ELMO1: variants seen among roughly 807,000 people sequenced by gnomAD.
ELMO1 encodes the protein engulfment and cell motility 1.
A neutral mutation model predicts 98.9 loss-of-function variants in ELMO1; 26 were observed. That is an observed-to-expected ratio of 0.26 (90% CI 0.19 to 0.36). The LOEUF (loss-of-function observed/expected upper bound fraction) is 0.36, where lower values mean the gene tolerates loss of function less well. ELMO1 is among the 10% of genes least tolerant of loss of function. ELMO1 has a pLI of 1.00. For synonymous variants in ELMO1, 346 were observed against 346.0 expected, an observed-to-expected ratio of 1.00 and a Z score of 0.00; for missense variants, 627 against 935.2, an observed-to-expected ratio of 0.67 and a Z score of 4.30.
chr7:36,926,486 G>A (rs1262534579), intron 16 of ELMO1, among the ~76,000 whole-genome samples: 1 of 152,066 alleles, frequency 6.6e-6, no homozygotes, highest in Non-Finnish European at 1.5e-5. Context: ...AGAGTCCCAT[G>A]GGAGAAGTGA....
chr7:37,300,548 T>C (rs1450303342), intron 4 of ELMO1, among the ~76,000 whole-genome samples: 1 of 99,000 alleles, frequency 1.0e-5, no homozygotes, highest in Non-Finnish European at 2.2e-5. Context: ...TGTCTTTGGC[T>C]CTGTTTATAT....
chr7:37,141,144 A>G (rs1313886644), intron 13 of ELMO1, among the ~76,000 whole-genome samples: 1 of 152,254 alleles, frequency 6.6e-6, no homozygotes, highest in Non-Finnish European at 1.5e-5. Flanking sequence ...ATGCCCATCA[A>G]TCAATGAGTG....
At chr7:36,915,010 G>A (rs537974850) in intron 16 of ELMO1, among the ~76,000 whole-genome samples, 1 of 152,292 alleles carries the variant, frequency 6.6e-6, no homozygotes, top group East Asian at 1.9e-4. Flanking sequence ...CTGGAGTGCA[G>A]TGGTACGATC....
At chr7:36,856,810 C>T (rs1429834458) in intron 21 of ELMO1, among the ~76,000 whole-genome samples, 1 of 152,188 alleles carries the variant, frequency 6.6e-6, no homozygotes, top group African/African-American at 2.4e-5. Flanking sequence ...ATATAGGATT[C>T]TATAACAGCA....
At chr7:37,293,078 G>C (rs1443386648) in intron 4 of ELMO1, among the ~76,000 whole-genome samples, 441 of 15,530 alleles carry the variant, frequency 0.028, 130 homozygotes, top group Non-Finnish European at 0.076. Flanking sequence ...CAGCCGCCCC[G>C]TCCGGGAGGG....
rs977028717 is a variant in ELMO1 at position 37,329,645 on chromosome 7, G to A, written c.78+12968C>T. Among the ~76,000 whole-genome samples, 3 of 152,096 alleles carry A rather than the reference G, an allele frequency of 2.0e-5. No individual in the cohort carries two copies. The East Asian group carries it at 5.8e-4, about 29-fold the overall frequency. On this transcript the variant is annotated intron_variant, in intron 2 of 21. Coordinates refer to ENST00000310758, the MANE Select transcript of ELMO1 (RefSeq NM_014800.11). Reference sequence around the variant, plus strand: ...AACAATTGCCTGTACCCCTCTGTAAGGTGTCCATGAGGAATGCAAGTCCAC... The same window carrying A: ...AACAATTGCCTGTACCCCTCTGTAAAGTGTCCATGAGGAATGCAAGTCCAC...
At chr7:37,412,744 G>C (rs1186999731) in intron 1 of ELMO1, among the ~76,000 whole-genome samples, 1 of 152,134 alleles carries the variant, frequency 6.6e-6, no homozygotes, top group Non-Finnish European at 1.5e-5. Context: ...TCAAAGGCTA[G>C]GTCAGAGAAA....
chr7:36,936,204 A>C (rs1786514906), intron 16 of ELMO1, among the ~76,000 whole-genome samples: 1 of 152,084 alleles, frequency 6.6e-6, no homozygotes, highest in Non-Finnish European at 1.5e-5. Flanking sequence ...GTGTTTCTGT[A>C]ATTATTTTCC....
rs1337001486 is a variant in ELMO1, at chr7:36,984,491, T to C, written c.1437+28808A>G. ...CCCTCACCCTGCCTTGAGTCTTCTA[T>C]AGGCGAAAGCTTTCTAGCTCTTCTG... On this transcript the variant is annotated intron_variant, in intron 16 of 21. Transcript: ENST00000310758. 2.6e-5 allele frequency among the ~76,000 whole-genome samples: 4 copies of C among 152,346 alleles called. No individual in the cohort carries two copies. In the South Asian group the frequency reaches 6.2e-4, roughly 24 times the overall value.
intron 16 of ELMO1, among the ~76,000 whole-genome samples, chr7:36,909,408 T>C (rs541561594): frequency 2.0e-5 from 3 of 152,328 alleles, no homozygotes; most frequent in Admixed American, 6.5e-5. Context: ...CAAAGATGGT[T>C]TCTGCTTTGC....
intron 16 of ELMO1, chr7:36,919,270 A>G (rs1354824905): frequency 6.8e-6 from 3 of 443,802 alleles, no homozygotes; most frequent in Admixed American, 2.2e-5. Context: ...GTTCATGTCT[A>G]TTACATTTCC....
intron 16 of ELMO1, among the ~76,000 whole-genome samples, chr7:36,972,565 T>A (rs971523610): frequency 3.3e-5 from 5 of 152,196 alleles, no homozygotes; most frequent in East Asian, 1.9e-4. Context: ...TGTAGATGAC[T>A]GTCTCCTCCC....
At chr7:36,905,537 C>T (rs1783901914) in intron 16 of ELMO1, among the ~76,000 whole-genome samples, 1 of 152,196 alleles carries the variant, frequency 6.6e-6, no homozygotes, top group African/African-American at 2.4e-5. Flanking sequence ...TTAGCAAATC[C>T]TTATCGTCTT....
rs113780773 is a variant in ELMO1, at chr7:37,033,619, T to G, written c.1301-20184A>C. Among the ~76,000 whole-genome samples the G allele has an allele frequency of 1.9e-3, 283 of 152,288 alleles. 1 individual carries two copies. The highest frequency in any genetic ancestry group is 5.2e-3 in the African/African-American group (217 of 41,564). On this transcript the variant is annotated intron_variant, in intron 15 of 21. Transcript: ENST00000310758. ...TACAAGGGTCCCGGTACACTGAATA[T>G]CTGATGAAATGAGGCAAATGCAGTG...
chr7:37,012,638 C>T (rs2129172325), intron 16 of ELMO1, among the ~76,000 whole-genome samples: 1 of 152,354 alleles, frequency 6.6e-6, no homozygotes, highest in East Asian at 1.9e-4. Context: ...CTTCCCTCTG[C>T]TGGTTATTCA....
chr7:37,225,642 A>G (rs1275813973), intron 8 of ELMO1, among the ~76,000 whole-genome samples: 1 of 152,236 alleles, frequency 6.6e-6, no homozygotes, highest in African/African-American at 2.4e-5. Context: ...CAAATTTAGC[A>G]AACAGGAAAT....
At chr7:37,122,315 T>C (rs918425611) in intron 14 of ELMO1, among the ~76,000 whole-genome samples, 5 of 152,172 alleles carry the variant, frequency 3.3e-5, no homozygotes, top group African/African-American at 1.2e-4. Context: ...ATGGGCTAAA[T>C]ACTCCGATTA....
At chr7:37,186,958 C>T (rs541544558) in intron 13 of ELMO1, among the ~76,000 whole-genome samples, 59 of 152,132 alleles carry the variant, frequency 3.9e-4, no homozygotes, top group Non-Finnish European at 6.6e-4. Context: ...CTTTTAAGTA[C>T]AGAACAAAGA....
Position 36,868,348 on chromosome 7 carries a change from C to CTTCT in ELMO1, c.1905+2044_1905+2045insAGAA, listed in dbSNP as rs754978396. On this transcript the variant is annotated intron_variant, in intron 20 of 21. Transcript: ENST00000310758. ...TCTGCTTCTTCTTCTTCTTCTTCTT[C>CTTCT]TTTTTTTTTTTTTTGAGACAGAGTT... 8.1e-3 allele frequency among the ~76,000 whole-genome samples: 1,138 copies of CTTCT among 140,604 alleles called. 5 individuals carry two copies. Among genetic ancestry groups the CTTCT allele is most frequent in the Non-Finnish European group, 0.012 (802 of 65,406 alleles). 92.2% of individuals were successfully genotyped at this position (140,604 alleles called of 152,430 possible).
Sources: gnomAD v4.1 joint callset for allele counts (sites outside exome capture counted in the v4.1 genomes callset) on GRCh38, gnomAD v4.1.1 for gene constraint, MANE v1.5 for transcripts, NCBI Gene and HGNC (gene_info 2026-07-23, HGNC 2026-07-21) for gene names.